Variants in GSTO2 observed in about 807,000 individuals in gnomAD.
GSTO2 encodes the protein glutathione S-transferase omega-2.
Under a neutral mutation model 28.4 loss-of-function variants are expected in GSTO2, and 23 were observed. The ratio of observed to expected loss-of-function variants is 0.81; its 90% confidence interval spans 0.58 to 1.15. The LOEUF (loss-of-function observed/expected upper bound fraction) is 1.15. GSTO2 is among the 50% of genes most tolerant of loss of function. The pLI, the probability that GSTO2 is intolerant of heterozygous loss-of-function variation, is 0.00. For synonymous variants in GSTO2, 109 were observed against 111.0 expected, an observed-to-expected ratio of 0.98 and a Z score of 0.11; for missense variants, 298 against 297.8, an observed-to-expected ratio of 1.00 and a Z score of 0.00.
intron 5 of GSTO2, chr10:104,295,359 C>A (rs545477393): frequency 2.6e-5 from 4 of 152,176 alleles, no homozygotes; most frequent in Non-Finnish European, 5.9e-5. Context: ...ATCAGGGGGA[C>A]TTCTCTATGC....
At position 104,299,107 on chromosome 10, in the gene GSTO2, C is replaced by T. The variant is rs17116838; in HGVS notation, c.576-21C>T. 7.1e-3 allele frequency: 11,444 copies of T among 1,608,550 alleles called. 721 individuals are homozygous for T. The African/African-American group carries it at 0.13, about 19-fold the overall frequency. On this transcript the variant is annotated intron_variant, in intron 6 of 6. Coordinates refer to ENST00000338595, the MANE Select transcript of GSTO2 (RefSeq NM_183239.2). ...GATGCCTACCCCTGCACTGTGCTGA[C>T]GCTTCTTTCCTGTCTTGCAGCTGTG... is the stretch of plus-strand genomic sequence containing the variant.
intron 5 of GSTO2, chr10:104,296,725 T>C (rs987570705): frequency 1.3e-5 from 2 of 151,920 alleles, no homozygotes; most frequent in African/African-American, 4.8e-5. Flanking sequence ...ATTGAGAAGA[T>C]AAAATAATAA....
chr10:104,288,185 C>G (rs760366002), intron 5 of GSTO2, among the ~76,000 whole-genome samples: 1 of 152,066 alleles, frequency 6.6e-6, no homozygotes, highest in South Asian at 2.1e-4. Context: ...CCACCTCACC[C>G]GGCCGAAAAC....
intron 1 of GSTO2, among the ~76,000 whole-genome samples, chr10:104,270,130 C>T (rs925627191): frequency 2.4e-4 from 36 of 152,152 alleles, no homozygotes; most frequent in Non-Finnish European, 2.8e-4. Context: ...TCTCCTGCCT[C>T]AGCCTCCCAA....
chr10:104,275,854 G>A (rs891950436), intron 3 of GSTO2, among the ~76,000 whole-genome samples: 27 of 152,142 alleles, frequency 1.8e-4, no homozygotes, highest in Non-Finnish European at 4.0e-4. Context: ...CATAGTGGAT[G>A]CTCAAAAAAC....
intron 5 of GSTO2, among the ~76,000 whole-genome samples, chr10:104,283,644 A>G (rs774512464): frequency 6.6e-6 from 1 of 152,162 alleles, no homozygotes; most frequent in South Asian, 2.1e-4. Flanking sequence ...ATAAACAAAG[A>G]ATTATAACTA....
chr10:104,284,341 C>G (rs2012279658), intron 5 of GSTO2, among the ~76,000 whole-genome samples: 1 of 151,916 alleles, frequency 6.6e-6, no homozygotes, highest in South Asian at 2.1e-4. Flanking sequence ...GCCTGGGTGA[C>G]AGAGTGAGAC....
At chr10:104,288,184 C>T (rs1240838181) in intron 5 of GSTO2, among the ~76,000 whole-genome samples, 2 of 152,146 alleles carry the variant, frequency 1.3e-5, no homozygotes, top group African/African-American at 4.8e-5. Flanking sequence ...GCCACCTCAC[C>T]CGGCCGAAAA....
At chr10:104,272,586 ACTTTTTTTTT>A (rs2011458686) in intron 1 of GSTO2, among the ~76,000 whole-genome samples, 11 of 56,900 alleles carry the variant, frequency 1.9e-4, no homozygotes, top group Non-Finnish European at 4.4e-5. Context: ...CAGTTATGGG[ACTTTTTTTTT>A]TTTTTTTTTT....
intron 5 of GSTO2, chr10:104,285,858 C>T (rs998782267): frequency 8.2e-6 from 2 of 243,738 alleles, no homozygotes; most frequent in African/African-American, 4.6e-5. Context: ...TGCTTTTGCT[C>T]TTTCTTAATT....
intron 5 of GSTO2, among the ~76,000 whole-genome samples, chr10:104,281,200 G>A (rs147345490): frequency 2.8e-4 from 42 of 152,320 alleles, no homozygotes; most frequent in African/African-American, 9.9e-4. Context: ...ACTTAGGTCA[G>A]CACTGCCTTC....
intron 1 of GSTO2, among the ~76,000 whole-genome samples, chr10:104,270,837 C>T (rs2011367093): frequency 6.6e-6 from 1 of 152,250 alleles, no homozygotes. Context: ...CACAGTTCCT[C>T]TTCTCAAAAC....
intron 5 of GSTO2, among the ~76,000 whole-genome samples, chr10:104,290,228 G>A (rs371701873): frequency 3.9e-5 from 6 of 152,182 alleles, no homozygotes; most frequent in Non-Finnish European, 7.3e-5. Context: ...GATACAGGCC[G>A]GGTGTGGTGG....
chr10:104,283,175 C>T (rs1420871237), intron 5 of GSTO2, among the ~76,000 whole-genome samples: 5 of 152,132 alleles, frequency 3.3e-5, no homozygotes, highest in Non-Finnish European at 1.5e-5. Flanking sequence ...ATAACTGAGC[C>T]CCAGGAACAC....
At chr10:104,277,524 G>A (rs1012599898) in intron 3 of GSTO2, among the ~76,000 whole-genome samples, 1 of 152,118 alleles carries the variant, frequency 6.6e-6, no homozygotes, top group African/African-American at 2.4e-5. Flanking sequence ...GACCTCAGAT[G>A]ATCTGCCCGC....
chr10:104,291,812 A>AT (rs2012786989), intron 5 of GSTO2, among the ~76,000 whole-genome samples: 1 of 152,118 alleles, frequency 6.6e-6, no homozygotes, highest in Admixed American at 6.5e-5. Context: ...TTTAAAATAG[A>AT]TTTTTCTAAT....
chr10:104,295,733 A>G (rs2012990478), intron 5 of GSTO2: 1 of 152,160 alleles, frequency 6.6e-6, no homozygotes, highest in South Asian at 2.1e-4. Context: ...CCAAGCTCAC[A>G]TCCTTACCTA....
chr10:104,275,766 C>T (rs1288292428), intron 3 of GSTO2, among the ~76,000 whole-genome samples: 1 of 152,178 alleles, frequency 6.6e-6, no homozygotes, highest in African/African-American at 2.4e-5. Context: ...CTCCCCTCCC[C>T]AGTCCCCTTC....
At chr10:104,281,840 T>C (rs968709549) in intron 5 of GSTO2, among the ~76,000 whole-genome samples, 3 of 152,088 alleles carry the variant, frequency 2.0e-5, no homozygotes, top group Admixed American at 1.3e-4. Flanking sequence ...GCTGGAGACA[T>C]GCATACAAGA....
Sources: allele counts gnomAD v4.1 joint callset (sites outside exome capture counted in the v4.1 genomes callset), GRCh38; gene constraint gnomAD v4.1.1; transcripts MANE v1.5; gene names NCBI Gene and HGNC (gene_info 2026-07-23, HGNC 2026-07-21).